Variants in METTL24 observed in about 807,000 individuals in gnomAD.
METTL24 encodes the protein methyltransferase like 24, also known as probable methyltransferase-like protein 24.
A neutral mutation model predicts 32.7 loss-of-function variants in METTL24; 29 were observed. The ratio of observed to expected loss-of-function variants is 0.89; its 90% confidence interval spans 0.66 to 1.21. The LOEUF is 1.21. Among genes scored for constraint, METTL24 ranks in the 50% most tolerant of loss-of-function variants. The pLI is 0.00. For missense variants in METTL24, 439 were observed against 468.1 expected, an observed-to-expected ratio of 0.94 and a Z score of 0.57; for synonymous variants, 163 against 179.5, an observed-to-expected ratio of 0.91 and a Z score of 0.73.
chr6:110,245,801 T>C lies in METTL24; in HGVS notation c.*145A>G. The C allele has an allele frequency of 1.3e-6, 1 of 747,718 alleles. No homozygotes were observed. The highest frequency in any genetic ancestry group is 2.5e-5 in the Admixed American group (1 of 40,300). 46.3% of individuals were successfully genotyped at this position (747,718 alleles called of 1,614,324 possible). A position where few individuals can be genotyped will look rare whatever the true frequency, so the allele number is the denominator to read the frequency against. On this transcript the variant is annotated 3_prime_UTR_variant, in exon 5 of 5. Transcript: ENST00000338882. The stretch of plus-strand genomic sequence containing the variant: ...CTGTGCCCCATCACATGCCAAGCAC[T>C]AGGCTGCATGCCCGCAATAACACAC...
intron 1 of METTL24, among the ~76,000 whole-genome samples, chr6:110,329,057 T>C (rs1772067332): frequency 6.6e-6 from 1 of 152,216 alleles, no homozygotes; most frequent in Non-Finnish European, 1.5e-5. Flanking sequence ...CTACAGTCCT[T>C]TGGAGGATGA....
intron 3 of METTL24, among the ~76,000 whole-genome samples, chr6:110,303,234 G>A (rs1562231297): frequency 6.6e-6 from 1 of 152,104 alleles, no homozygotes; most frequent in Non-Finnish European, 1.5e-5. Flanking sequence ...AAATTGGGCA[G>A]CCATTTGGGC....
chr6:110,298,844 C>G (rs1376461757), intron 4 of METTL24, 78 bp downstream of exon 4: 1 of 1,230,960 alleles, frequency 8.1e-7, no homozygotes, highest in Non-Finnish European at 1.2e-6. Context: ...GTCAATGTTG[C>G]TATTCTTGGT....
rs1282431497 is a variant in METTL24 at position 110,259,325 on chromosome 6, C to T, written c.787-13065G>A. ...CGGCACACCAGGAGATTATATCCCA[C>T]GCCTGGCTCAGAGGGTCCTACACCC... On this transcript the variant is annotated intron_variant, in intron 4 of 4. Transcript: ENST00000338882. Among the ~76,000 whole-genome samples the T allele has an allele frequency of 9.8e-5, 15 of 152,350 alleles. 1 individual carries two copies. Among genetic ancestry groups the T allele is most frequent in the Middle Eastern group, 3.4e-3 (1 of 294 alleles).
intron 1 of METTL24, among the ~76,000 whole-genome samples, chr6:110,346,880 T>A (rs1403277626): frequency 6.6e-6 from 1 of 152,222 alleles, no homozygotes; most frequent in African/African-American, 2.4e-5. Flanking sequence ...TCACTGTGTT[T>A]TGATTTTCTT....
At chr6:110,310,049 A>G (rs554340357) in intron 3 of METTL24, among the ~76,000 whole-genome samples, 3 of 152,330 alleles carry the variant, frequency 2.0e-5, no homozygotes, top group East Asian at 1.9e-4. Flanking sequence ...TGGTTTTCAC[A>G]TACACTAGAC....
intron 4 of METTL24, among the ~76,000 whole-genome samples, chr6:110,254,600 C>G (rs1261109843): frequency 6.6e-6 from 1 of 152,138 alleles, no homozygotes; most frequent in Non-Finnish European, 1.5e-5. Flanking sequence ...CCACTGCACT[C>G]CAGCCTGGGT....
At chr6:110,319,076 G>A (rs1771881170) in intron 2 of METTL24, among the ~76,000 whole-genome samples, 1 of 152,152 alleles carries the variant, frequency 6.6e-6, no homozygotes, top group Admixed American at 6.5e-5. Context: ...CCAAAAGCTT[G>A]AATGGTATTT....
At chr6:110,246,790 G>T (rs1419425533) in intron 4 of METTL24, among the ~76,000 whole-genome samples, 4 of 152,118 alleles carry the variant, frequency 2.6e-5, no homozygotes, top group Admixed American at 6.5e-5. Flanking sequence ...AAGGGCTACT[G>T]CCTGCAGGGA....
intron 4 of METTL24, among the ~76,000 whole-genome samples, chr6:110,267,600 A>T (rs1414391896): frequency 1.3e-5 from 2 of 152,084 alleles, no homozygotes; most frequent in African/African-American, 4.8e-5. Context: ...TTATCTGTTT[A>T]TCTTGTATCT....
chr6:110,340,480 T>C (rs1772333873), intron 1 of METTL24, among the ~76,000 whole-genome samples: 1 of 152,078 alleles, frequency 6.6e-6, no homozygotes, highest in Non-Finnish European at 1.5e-5. Context: ...CCTGCCAGAG[T>C]GGTCCATCAC....
At chr6:110,334,111 A>AG (rs781129415) in intron 1 of METTL24, among the ~76,000 whole-genome samples, 87 of 151,506 alleles carry the variant, frequency 5.7e-4, no homozygotes, top group African/African-American at 1.6e-3. Context: ...AACAGAGGAA[A>AG]GGGGGGTCTT....
At chr6:110,316,347 T>C (rs1017016311) in intron 2 of METTL24, among the ~76,000 whole-genome samples, 1 of 152,252 alleles carries the variant, frequency 6.6e-6, no homozygotes, top group Non-Finnish European at 1.5e-5. Flanking sequence ...GGCTAGTACA[T>C]TTCGCACAGC....
At chr6:110,263,807 A>C (rs544032125) in intron 4 of METTL24, among the ~76,000 whole-genome samples, 1 of 152,240 alleles carries the variant, frequency 6.6e-6, no homozygotes, top group African/African-American at 2.4e-5. Context: ...AGCCCTCAGA[A>C]ATAATGCCAC....
chr6:110,340,475 C>T (rs1028794689), intron 1 of METTL24, among the ~76,000 whole-genome samples: 6 of 152,194 alleles, frequency 3.9e-5, no homozygotes, highest in African/African-American at 1.4e-4. Context: ...GCCTCCCTGC[C>T]AGAGTGGTCC....
At chr6:110,339,612 A>C (rs959114336) in intron 1 of METTL24, among the ~76,000 whole-genome samples, 5 of 152,248 alleles carry the variant, frequency 3.3e-5, no homozygotes, top group African/African-American at 1.2e-4. Flanking sequence ...GGCTTTGGGC[A>C]AGAAAGATCA....
chr6:110,276,477 A>G (rs1160799857), intron 4 of METTL24, among the ~76,000 whole-genome samples: 1 of 152,192 alleles, frequency 6.6e-6, no homozygotes, highest in East Asian at 1.9e-4. Flanking sequence ...AAAACATTAC[A>G]TGACTTGTAC....
chr6:110,348,885 T>C (rs1481911416), intron 1 of METTL24, among the ~76,000 whole-genome samples: 2 of 152,190 alleles, frequency 1.3e-5, no homozygotes, highest in Non-Finnish European at 2.9e-5. Context: ...ACATAAACAA[T>C]GTCAACAAGA....
chr6:110,298,935 A>G lies in METTL24; in HGVS notation c.773T>C (p.Phe258Ser). The G allele has an allele frequency of 6.2e-7, 1 of 1,614,050 alleles. No individual in the cohort carries two copies. Among genetic ancestry groups the G allele is most frequent in the South Asian group, 1.1e-5 (1 of 91,080 alleles). Residue 258 changes from phenylalanine to serine, a missense_variant, in exon 4 of 5, where the codon TTT becomes TCT. Transcript: ENST00000338882. ...GAAAAACCTCACCTTGTGATGTCCA[A>G]ATTCATTCAAAATGCTTCCCAGTTT... The part of the protein sequence containing the change: ...TRKLGSILNE[F>S]GHHKIDVLKA...
Sources: gnomAD v4.1 joint callset for allele counts (sites outside exome capture counted in the v4.1 genomes callset) on GRCh38, gnomAD v4.1.1 for gene constraint, MANE v1.5 for transcripts, NCBI Gene and HGNC (gene_info 2026-07-23, HGNC 2026-07-21) for gene names.